Variants in GRIN2B observed in about 807,000 individuals in gnomAD.
The protein encoded by GRIN2B is glutamate ionotropic receptor NMDA type subunit 2B.
GRIN2B carries 5 observed loss-of-function variants against 114.5 expected under a neutral mutation model. The ratio of observed to expected loss-of-function variants is 0.04; its 90% CI spans 0.02 to 0.09. The LOEUF (loss-of-function observed/expected upper bound fraction) is 0.09. Among genes scored for constraint, GRIN2B ranks in the 10% least tolerant of loss-of-function variants. The probability of loss-of-function intolerance (pLI) is 1.00; values close to 1 mark genes in which losing one functional copy is unlikely to be tolerated. For synonymous variants in GRIN2B, 787 were observed against 745.1 expected, an observed-to-expected ratio of 1.06 and a Z score of -0.92; for missense variants, 1,108 against 1,943.5, an observed-to-expected ratio of 0.57 and a Z score of 8.08.
intron 4 of GRIN2B, among the ~76,000 whole-genome samples, chr12:13,682,276 G>GATTTAAA (rs1950138067): frequency 3.9e-5 from 6 of 152,146 alleles, no homozygotes; most frequent in Admixed American, 3.9e-4. Flanking sequence ...TGATTCCTTT[G>GATTTAAA]AGATATGTCA....
intron 3 of GRIN2B, among the ~76,000 whole-genome samples, chr12:13,811,276 C>T (rs1033635376): frequency 6.6e-6 from 1 of 152,192 alleles, no homozygotes; most frequent in African/African-American, 2.4e-5. Flanking sequence ...TGTGATCACT[C>T]AGCTGAGCAT....
chr12:13,774,361 G>A (rs887812432), intron 3 of GRIN2B, among the ~76,000 whole-genome samples: 1 of 152,178 alleles, frequency 6.6e-6, no homozygotes, highest in Non-Finnish European at 1.5e-5. Context: ...GCATCCAGAT[G>A]GTGAACTGTG....
At chr12:13,720,543 C>A (rs1950498783) in intron 4 of GRIN2B, among the ~76,000 whole-genome samples, 1 of 152,034 alleles carries the variant, frequency 6.6e-6, no homozygotes, top group Non-Finnish European at 1.5e-5. Flanking sequence ...AACTAAAAGT[C>A]CCTTATTGGC....
chr12:13,721,102 T>A (rs1950504439), intron 4 of GRIN2B, among the ~76,000 whole-genome samples: 1 of 152,018 alleles, frequency 6.6e-6, no homozygotes, highest in Non-Finnish European at 1.5e-5. Flanking sequence ...GTAGTTAAAC[T>A]GAGACCTAAA....
chr12:13,833,047 T>C (rs1045932199), intron 3 of GRIN2B, among the ~76,000 whole-genome samples: 2 of 152,224 alleles, frequency 1.3e-5, no homozygotes, highest in Non-Finnish European at 2.9e-5. Flanking sequence ...CTCTGTATAC[T>C]GGATGATATA....
Position 13,889,898 on chromosome 12 carries a change from A to G in GRIN2B, c.-18-23672T>C, listed in dbSNP as rs747683955. Among the ~76,000 whole-genome samples, 5 of 152,200 alleles carry G rather than the reference A, an allele frequency of 3.3e-5. No homozygotes were observed. The East Asian group carries it at 9.6e-4, about 29-fold the overall frequency. ...AATCAGGGAAACAATCCTCCCCTTC[A>G]GTGACCGTCATTCTCCAGCCTTGCT... On this transcript the variant is annotated intron_variant, in intron 2 of 13. Transcript: ENST00000609686.
chr12:13,635,298 G>A (rs1358471191), intron 5 of GRIN2B, among the ~76,000 whole-genome samples: 1 of 152,152 alleles, frequency 6.6e-6, no homozygotes, highest in Non-Finnish European at 1.5e-5. Context: ...TGGAGAGGGG[G>A]CCTTTTGATG....
intron 10 of GRIN2B, among the ~76,000 whole-genome samples, chr12:13,588,758 T>C (rs1948966252): frequency 6.6e-6 from 1 of 152,184 alleles, no homozygotes; most frequent in African/African-American, 2.4e-5. Context: ...ATATGTGGAA[T>C]GGATGTGGTC....
intron 4 of GRIN2B, among the ~76,000 whole-genome samples, chr12:13,695,506 AGAG>A (rs1322736863): frequency 6.6e-6 from 1 of 152,204 alleles, no homozygotes; most frequent in East Asian, 1.9e-4. Context: ...TTGGCAAAGA[AGAG>A]AAGAATGGAG....
At chr12:13,566,028 A>G (rs1470001044) in intron 13 of GRIN2B, among the ~76,000 whole-genome samples, 4 of 152,134 alleles carry the variant, frequency 2.6e-5, no homozygotes, top group Admixed American at 6.5e-5. Context: ...CTGAGATCTT[A>G]GGGAAGGGCT....
intron 3 of GRIN2B, among the ~76,000 whole-genome samples, chr12:13,861,474 A>C (rs1283718229): frequency 6.6e-6 from 1 of 152,240 alleles, no homozygotes; most frequent in Non-Finnish European, 1.5e-5. Flanking sequence ...GAATAAAAGC[A>C]ATTATAACAA....
chr12:13,826,674 T>C (rs1370251152), intron 3 of GRIN2B, among the ~76,000 whole-genome samples: 1 of 152,118 alleles, frequency 6.6e-6, no homozygotes, highest in Non-Finnish European at 1.5e-5. Context: ...GAACTTATCA[T>C]ATGTTTTACT....
chr12:13,645,733 G>C (rs1183022424), intron 5 of GRIN2B, among the ~76,000 whole-genome samples: 23 of 151,658 alleles, frequency 1.5e-4, no homozygotes, highest in Non-Finnish European at 1.5e-5. Context: ...TATGGGATTA[G>C]GCCTCTAGGT....
chr12:13,907,494 G>GA (rs36064040), intron 2 of GRIN2B, among the ~76,000 whole-genome samples: 25,735 of 129,840 alleles, frequency 0.2, 2,393 homozygotes, highest in Non-Finnish European at 0.22. Context: ...TCTGTCTCAG[G>GA]AAAAAAAAAA....
At chr12:13,593,701 A>G (rs1228976360) in intron 10 of GRIN2B, among the ~76,000 whole-genome samples, 1 of 152,250 alleles carries the variant, frequency 6.6e-6, no homozygotes, top group Non-Finnish European at 1.5e-5. Flanking sequence ...TAAACTAAAG[A>G]GCTTCTGCAC....
At chr12:13,892,447 T>C (rs1866279674) in intron 2 of GRIN2B, among the ~76,000 whole-genome samples, 1 of 152,164 alleles carries the variant, frequency 6.6e-6, no homozygotes, top group African/African-American at 2.4e-5. Flanking sequence ...ACAGGCTAGA[T>C]TTATCCTCCC....
At chr12:13,666,585 G>A (rs576317905) in intron 5 of GRIN2B, among the ~76,000 whole-genome samples, 3 of 152,070 alleles carry the variant, frequency 2.0e-5, no homozygotes, top group Admixed American at 1.3e-4. Context: ...TTATTTTTTT[G>A]TTGTTGTTGG....
At chr12:13,578,662 C>T (rs1337670073) in intron 10 of GRIN2B, among the ~76,000 whole-genome samples, 1 of 152,120 alleles carries the variant, frequency 6.6e-6, no homozygotes, top group Non-Finnish European at 1.5e-5. Flanking sequence ...TTGCTTTAAG[C>T]CACTAAGTGT....
At chr12:13,825,233 T>C (rs1222491253) in intron 3 of GRIN2B, among the ~76,000 whole-genome samples, 1 of 151,940 alleles carries the variant, frequency 6.6e-6, no homozygotes, top group African/African-American at 2.4e-5. Flanking sequence ...AGGTATTTTC[T>C]AGCTATAGTT....
Sources: allele counts gnomAD v4.1 joint callset (sites outside exome capture counted in the v4.1 genomes callset), GRCh38; gene constraint gnomAD v4.1.1; transcripts MANE v1.5; gene names NCBI Gene and HGNC (gene_info 2026-07-23, HGNC 2026-07-21).